Variants in KCNIP4 observed in about 807,000 individuals in gnomAD.
The protein encoded by KCNIP4 is Kv channel-interacting protein 4.
KCNIP4 carries 12 observed loss-of-function variants against 34.0 expected under a neutral mutation model. That is an observed-to-expected ratio of 0.35 (90% CI 0.23 to 0.57). The LOEUF is 0.57. Among genes scored for constraint, KCNIP4 ranks in the 20% least tolerant of loss-of-function variants. KCNIP4 has a pLI of 0.83. For missense variants in KCNIP4, 238 were observed against 311.7 expected (o/e 0.76, Z 1.78); for synonymous variants, 124 against 102.2 (o/e 1.21, Z -1.29).
intron 1 of KCNIP4, among the ~76,000 whole-genome samples, chr4:21,411,787 G>A (rs1306231305): frequency 3.9e-5 from 6 of 152,250 alleles, no homozygotes; most frequent in Middle Eastern, 3.4e-3. Context: ...GCAGTGAGCC[G>A]TGACCATGCC....
chr4:21,743,663 G>A (rs774381683), intron 1 of KCNIP4, among the ~76,000 whole-genome samples: 20 of 151,014 alleles, frequency 1.3e-4, no homozygotes, highest in Admixed American at 4.0e-4. Flanking sequence ...GGGGGGAGAT[G>A]CATACTTTCT....
chr4:21,131,985 C>T (rs921666427), intron 1 of KCNIP4, among the ~76,000 whole-genome samples: 1 of 152,062 alleles, frequency 6.6e-6, no homozygotes, highest in Non-Finnish European at 1.5e-5. Context: ...TTTTTTCAGT[C>T]AGAGAGAGGT....
At chr4:21,054,349 T>C (rs1743211034) in intron 1 of KCNIP4, among the ~76,000 whole-genome samples, 1 of 151,848 alleles carries the variant, frequency 6.6e-6, no homozygotes. Flanking sequence ...TGAAACCCCG[T>C]CTCTACCGAA....
intron 1 of KCNIP4, among the ~76,000 whole-genome samples, chr4:21,351,126 C>A (rs929075650): frequency 2.0e-4 from 31 of 152,090 alleles, no homozygotes; most frequent in African/African-American, 5.5e-4. Context: ...AAATGAAGAG[C>A]CTTCTGGTAA....
chr4:21,737,890 C>G (rs937260097), intron 1 of KCNIP4, among the ~76,000 whole-genome samples: 1 of 151,810 alleles, frequency 6.6e-6, no homozygotes, highest in Non-Finnish European at 1.5e-5. Flanking sequence ...CGAGACCATC[C>G]TGGCTAATAT....
intron 1 of KCNIP4, among the ~76,000 whole-genome samples, chr4:21,093,076 T>C (rs1560713738): frequency 6.6e-6 from 1 of 152,206 alleles, no homozygotes; most frequent in South Asian, 2.1e-4. Context: ...CAAAAGTTTG[T>C]CCTTGCACAA....
chr4:21,295,437 AGT>A (rs1361498262), intron 1 of KCNIP4, among the ~76,000 whole-genome samples: 1 of 152,166 alleles, frequency 6.6e-6, no homozygotes, highest in East Asian at 1.9e-4. Context: ...AGTAACAAAC[AGT>A]AAGTTCTAAA....
rs149950631 is a variant in KCNIP4 at position 21,740,198 on chromosome 4, G to A, written c.61+208373C>T. Among the ~76,000 whole-genome samples, 1,330 of 152,014 alleles carry A rather than the reference G, an allele frequency of 8.7e-3. 19 individuals carry two copies. Among genetic ancestry groups the A allele is most frequent in the South Asian group, 0.039 (188 of 4,818 alleles). On this transcript the variant is annotated intron_variant, in intron 1 of 8. Coordinates refer to ENST00000382152, the MANE Select transcript of KCNIP4 (RefSeq NM_025221.6). ...GACACATGCATATATACATAGACAT[G>A]CACAAACATACACATATACAGTTAT...
rs140101302 is a variant in KCNIP4, at chr4:21,678,254, C to G, written c.61+270317G>C. The stretch of plus-strand genomic sequence containing the variant: ...GTTTCATGCAAACTTTATCATTAGA[C>G]ATTACATTTCAGTTTTATATAATTT... On this transcript the variant is annotated intron_variant, in intron 1 of 8. Coordinates refer to ENST00000382152, the MANE Select transcript of KCNIP4 (RefSeq NM_025221.6). Among the ~76,000 whole-genome samples the G allele has an allele frequency of 8.1e-4, 121 of 150,016 alleles. 1 individual carries two copies. The highest frequency in any genetic ancestry group is 2.9e-3 in the African/African-American group (119 of 40,858).
chr4:21,365,239 C>G (rs190785194), intron 1 of KCNIP4, among the ~76,000 whole-genome samples: 1,795 of 152,142 alleles, frequency 0.012, 16 homozygotes, highest in Non-Finnish European at 0.018. Flanking sequence ...AATCCCAGCA[C>G]TTTGGGAGGC....
At chr4:20,837,125 C>T (rs1335808648) in intron 3 of KCNIP4, among the ~76,000 whole-genome samples, 4 of 152,042 alleles carry the variant, frequency 2.6e-5, no homozygotes, top group Admixed American at 2.6e-4. Context: ...AAAGTTTTGA[C>T]CCAATCTTCT....
At chr4:20,808,840 C>T (rs910771772) in intron 3 of KCNIP4, among the ~76,000 whole-genome samples, 7 of 152,154 alleles carry the variant, frequency 4.6e-5, no homozygotes, top group Non-Finnish European at 8.8e-5. Context: ...CACTCTCCCC[C>T]ATCTCCACCT....
intron 1 of KCNIP4, among the ~76,000 whole-genome samples, chr4:20,897,409 A>G (rs1726667996): frequency 6.6e-6 from 1 of 152,080 alleles, no homozygotes; most frequent in African/African-American, 2.4e-5. Flanking sequence ...CTTCTCTCAC[A>G]GGGCACTTAA....
At chr4:21,238,226 A>G (rs1759522036) in intron 1 of KCNIP4, among the ~76,000 whole-genome samples, 6 of 152,198 alleles carry the variant, frequency 3.9e-5, no homozygotes. Flanking sequence ...GATGGGATGT[A>G]TCTCAAAATA....
intron 5 of KCNIP4, among the ~76,000 whole-genome samples, chr4:20,742,336 G>A (rs969265844): frequency 5.9e-5 from 9 of 152,078 alleles, no homozygotes; most frequent in South Asian, 2.1e-4. Flanking sequence ...TTAGCAAACC[G>A]AATCCAGCAG....
At chr4:20,815,771 T>G (rs946372594) in intron 3 of KCNIP4, among the ~76,000 whole-genome samples, 3 of 152,230 alleles carry the variant, frequency 2.0e-5, no homozygotes, top group African/African-American at 7.2e-5. Context: ...GACGGTAGCA[T>G]GTATCACACC....
At chr4:21,045,584 C>G (rs765655846) in intron 1 of KCNIP4, among the ~76,000 whole-genome samples, 3 of 152,160 alleles carry the variant, frequency 2.0e-5, no homozygotes, top group Non-Finnish European at 2.9e-5. Flanking sequence ...GTTTTCTATG[C>G]TACTTTCCTC....
intron 1 of KCNIP4, among the ~76,000 whole-genome samples, chr4:21,609,808 A>T (rs1339479900): frequency 6.6e-6 from 1 of 152,208 alleles, no homozygotes; most frequent in African/African-American, 2.4e-5. Context: ...ATGTGCTAAG[A>T]CTGTGTTAAT....
intron 1 of KCNIP4, among the ~76,000 whole-genome samples, chr4:20,969,605 T>C (rs1734725482): frequency 6.6e-6 from 1 of 152,096 alleles, no homozygotes. Context: ...TTCATTCTCT[T>C]GTCCCATTAA....
Sources: gnomAD v4.1 joint callset for allele counts (sites outside exome capture counted in the v4.1 genomes callset) on GRCh38, gnomAD v4.1.1 for gene constraint, MANE v1.5 for transcripts, NCBI Gene and HGNC (gene_info 2026-07-23, HGNC 2026-07-21) for gene names.